The following ADCY2 variants were observed in gnomAD, a reference collection of about 807,000 sequenced individuals.
ADCY2 encodes adenylate cyclase 2.
In ADCY2, 31 loss-of-function variants were observed where a neutral mutation model predicts 125.2. That is an observed-to-expected ratio of 0.25 (90% CI 0.19 to 0.33). The LOEUF (loss-of-function observed/expected upper bound fraction) is 0.33. ADCY2 is among the 10% of genes least tolerant of loss of function. The probability of loss-of-function intolerance (pLI) is 1.00; values close to 1 mark genes in which losing one functional copy is unlikely to be tolerated. For synonymous variants in ADCY2, 512 were observed against 548.4 expected (o/e 0.93, Z 0.93); for missense variants, 904 against 1,418.2 (o/e 0.64, Z 5.82).
intron 16 of ADCY2, among the ~76,000 whole-genome samples, chr5:7,761,148 CTTTT>C (rs367998018): frequency 3.4e-5 from 3 of 88,176 alleles, no homozygotes; most frequent in South Asian, 8.5e-4. Context: ...CTTTTCTTTT[CTTTT>C]TTTTTTTTTT....
At chr5:7,744,027 A>T (rs1013423194) in intron 15 of ADCY2, among the ~76,000 whole-genome samples, 2 of 152,194 alleles carry the variant, frequency 1.3e-5, no homozygotes, top group Non-Finnish European at 2.9e-5. Context: ...ATATATTTTT[A>T]TCATTTCCTT....
intron 22 of ADCY2, among the ~76,000 whole-genome samples, chr5:7,807,814 C>A (rs933637151): frequency 1.3e-5 from 2 of 152,092 alleles, no homozygotes; most frequent in African/African-American, 4.8e-5. Context: ...CCTGACCCAT[C>A]CCCTACCTCT....
rs954622420 is a variant in ADCY2 at position 7,773,042 on chromosome 5, C to T, written c.2325C>T (p.Thr775=). The T allele has an allele frequency of 1.9e-6, 3 of 1,614,150 alleles. No individual in the cohort carries two copies. The highest frequency in any genetic ancestry group is 2.2e-5 in the East Asian group (1 of 44,862). The part of the protein sequence containing the change: ...IMMVALVGYN[T]ILLHTHAHVL... The stretch of plus-strand genomic sequence containing the variant: ...TGGTGGCCTTGGTGGGCTACAACAC[C>T]ATCCTACTCCACACCCACGCCCACG... Residue 775 remains threonine, a synonymous_variant, in exon 18 of 25, where the codon ACC becomes ACT. Coordinates refer to ENST00000338316, the MANE Select transcript of ADCY2 (RefSeq NM_020546.3).
At chr5:7,629,224 T>A (rs1167638644) in intron 4 of ADCY2, among the ~76,000 whole-genome samples, 1 of 152,238 alleles carries the variant, frequency 6.6e-6, no homozygotes, top group Non-Finnish European at 1.5e-5. Context: ...TGGGAGTTCC[T>A]TGGCCTCGCT....
At chr5:7,772,856 G>T in intron 17 of ADCY2, 76 bp from the exon 18 acceptor site, 1 of 1,424,932 alleles carries the variant, frequency 7.0e-7, no homozygotes, top group South Asian at 1.3e-5. Context: ...ATGGGCGGTG[G>T]TCCCCTGATT....
intron 3 of ADCY2, among the ~76,000 whole-genome samples, chr5:7,536,332 A>G (rs1279315865): frequency 6.6e-6 from 1 of 151,840 alleles, no homozygotes; most frequent in East Asian, 1.9e-4. Flanking sequence ...TGGCCATTAC[A>G]GTACTGGAGA....
chr5:7,769,673 G>A (rs1422064401), intron 17 of ADCY2, among the ~76,000 whole-genome samples: 1 of 152,150 alleles, frequency 6.6e-6, no homozygotes, highest in African/African-American at 2.4e-5. Context: ...CAAGTTGTTT[G>A]TACCACAGCA....
chr5:7,653,562 G>C (rs775458573), intron 4 of ADCY2, among the ~76,000 whole-genome samples: 1 of 151,576 alleles, frequency 6.6e-6, no homozygotes, highest in African/African-American at 2.4e-5. Context: ...GAGTGAGATC[G>C]TGCCACTGCA....
In ADCY2 at chr5:7,743,629, G is replaced by T. The variant is rs74715125; in HGVS notation, c.1872-39G>T. 11 of 1,584,626 alleles carry T rather than the reference G, an allele frequency of 6.9e-6. No individual in the cohort carries two copies. In the Admixed American group the frequency reaches 1.5e-4, roughly 22 times the overall value. On this transcript the variant is annotated intron_variant, in intron 14 of 24. Coordinates refer to ENST00000338316, the MANE Select transcript of ADCY2 (RefSeq NM_020546.3). ...GGTAGCTTTCCAGAATGAGAGAAAC[G>T]ATCTCCACCCTGACTTGCTGCTTTT... is the stretch of plus-strand genomic sequence containing the variant.
chr5:7,508,876 G>A (rs781243403), intron 2 of ADCY2, among the ~76,000 whole-genome samples: 43 of 152,206 alleles, frequency 2.8e-4, no homozygotes, highest in Non-Finnish European at 5.9e-4. Flanking sequence ...GGTACTGGGG[G>A]ACACAGGAGT....
chr5:7,745,620 A>G lies in ADCY2; in HGVS notation c.1956+1868A>G, dbSNP rs192524566. 6.9e-3 allele frequency among the ~76,000 whole-genome samples: 1,044 copies of G among 152,310 alleles called. 5 individuals carry two copies. Among genetic ancestry groups the G allele is most frequent in the Non-Finnish European group, 0.011 (731 of 68,024 alleles). On this transcript the variant is annotated intron_variant, in intron 15 of 24. Coordinates refer to ENST00000338316, the MANE Select transcript of ADCY2 (RefSeq NM_020546.3). ...TCCCGGAATCATCCCTCAGGTGGAA[A>G]GGCACACAGGCTCCCCTGCTCTCTT...
rs893864289 is a variant in ADCY2, at chr5:7,500,613, G to T, written c.409-20125G>T. ...AAAACACCAGGCAACTTTCAGTAGA[G>T]GAATATTCTACAAAATACCTTATTA... On this transcript the variant is annotated intron_variant, in intron 2 of 24. Coordinates refer to ENST00000338316, the MANE Select transcript of ADCY2 (RefSeq NM_020546.3). Among the ~76,000 whole-genome samples, 6 of 152,084 alleles carry T rather than the reference G, an allele frequency of 3.9e-5. No homozygotes were observed. The East Asian group carries it at 1.2e-3, about 29-fold the overall frequency.
chr5:7,512,232 A>AAG (rs1744091885), intron 2 of ADCY2, among the ~76,000 whole-genome samples: 1 of 148,162 alleles, frequency 6.7e-6, no homozygotes, highest in Non-Finnish European at 1.5e-5. Context: ...AAAAAAAAAA[A>AAG]AAAAAAAAGA....
At chr5:7,453,182 T>C (rs1741537632) in intron 2 of ADCY2, among the ~76,000 whole-genome samples, 1 of 152,224 alleles carries the variant, frequency 6.6e-6, no homozygotes, top group African/African-American at 2.4e-5. Flanking sequence ...CCTGAGCCAA[T>C]GTCCAGATGA....
chr5:7,561,887 G>A (rs1371009270), intron 3 of ADCY2, among the ~76,000 whole-genome samples: 1 of 152,088 alleles, frequency 6.6e-6, no homozygotes, highest in African/African-American at 2.4e-5. Context: ...ATTTGGTTAG[G>A]TCTAAGCTAA....
At chr5:7,662,996 T>C (rs540834499) in intron 4 of ADCY2, among the ~76,000 whole-genome samples, 1 of 152,292 alleles carries the variant, frequency 6.6e-6, no homozygotes, top group Non-Finnish European at 1.5e-5. Context: ...AATTCATACA[T>C]TCATTTTGAA....
chr5:7,486,018 C>G (rs1447051540), intron 2 of ADCY2, among the ~76,000 whole-genome samples: 1 of 152,092 alleles, frequency 6.6e-6, no homozygotes, highest in African/African-American at 2.4e-5. Flanking sequence ...ACACGACATT[C>G]TTATAAGGGA....
intron 3 of ADCY2, among the ~76,000 whole-genome samples, chr5:7,552,059 C>A (rs1735362210): frequency 6.6e-6 from 1 of 152,096 alleles, no homozygotes; most frequent in Non-Finnish European, 1.5e-5. Context: ...CTATCAATGG[C>A]TTAATGAGAA....
chr5:7,717,450 G>A (rs968982022), intron 12 of ADCY2, among the ~76,000 whole-genome samples: 2 of 152,108 alleles, frequency 1.3e-5, no homozygotes, highest in African/African-American at 2.4e-5. Flanking sequence ...ATATTCCCAA[G>A]TTGATTGCTG....
Sources: allele counts gnomAD v4.1 joint callset (sites outside exome capture counted in the v4.1 genomes callset), GRCh38; gene constraint gnomAD v4.1.1; transcripts MANE v1.5; gene names NCBI Gene and HGNC (gene_info 2026-07-23, HGNC 2026-07-21).